CHCHD6: variants seen among roughly 807,000 people sequenced by gnomAD.
CHCHD6 encodes coiled-coil-helix-coiled-coil-helix domain containing 6.
A neutral mutation model predicts 32.3 loss-of-function variants in CHCHD6; 28 were observed. The ratio of observed to expected loss-of-function variants is 0.87; its 90% CI spans 0.64 to 1.19. CHCHD6 has a LOEUF of 1.19. Ranked by LOEUF, CHCHD6 falls within the 50% of genes most tolerant of loss-of-function variation. The pLI, the probability that CHCHD6 is intolerant of heterozygous loss-of-function variation, is 0.00. For missense variants in CHCHD6, 333 were observed against 307.0 expected, an observed-to-expected ratio of 1.08 and a Z score of -0.63; for synonymous variants, 122 against 117.5, an observed-to-expected ratio of 1.04 and a Z score of -0.25.
At chr3:126,760,266 G>A (rs1357383794) in intron 4 of CHCHD6, among the ~76,000 whole-genome samples, 1 of 152,130 alleles carries the variant, frequency 6.6e-6, no homozygotes, top group African/African-American at 2.4e-5. Context: ...CCTGTTTCCA[G>A]CCTTTCGTCC....
intron 6 of CHCHD6, chr3:126,953,044 G>T: frequency 4.1e-6 from 4 of 985,496 alleles, no homozygotes; most frequent in Non-Finnish European, 4.8e-6. Context: ...GCGTTACTGA[G>T]CATGTTCTGA....
intron 5 of CHCHD6, among the ~76,000 whole-genome samples, chr3:126,888,663 G>GACAGCCCT: frequency 6.6e-6 from 1 of 152,326 alleles, no homozygotes; most frequent in African/African-American, 2.4e-5. Flanking sequence ...AGGGACGGGA[G>GACAGCCCT]ACAGCCCTCG....
chr3:126,843,026 C>A (rs983542000), intron 4 of CHCHD6, among the ~76,000 whole-genome samples: 1 of 151,772 alleles, frequency 6.6e-6, no homozygotes, highest in Non-Finnish European at 1.5e-5. Flanking sequence ...TTCAATATTA[C>A]ACCAATAAGC....
chr3:126,933,111 T>G (rs531395498), intron 6 of CHCHD6, among the ~76,000 whole-genome samples: 1 of 152,306 alleles, frequency 6.6e-6, no homozygotes, highest in South Asian at 2.1e-4. Context: ...GCCTCATCTC[T>G]TCATCTATGT....
chr3:126,738,670 G>A (rs1039978824), intron 4 of CHCHD6, among the ~76,000 whole-genome samples: 2 of 152,166 alleles, frequency 1.3e-5, no homozygotes, highest in African/African-American at 2.4e-5. Flanking sequence ...CTGTGCAGTC[G>A]TCTGTTATCT....
chr3:126,741,363 G>A (rs1174197675), intron 4 of CHCHD6, among the ~76,000 whole-genome samples: 2 of 150,092 alleles, frequency 1.3e-5, no homozygotes, highest in African/African-American at 2.5e-5. Flanking sequence ...TTTAAAGGAT[G>A]TGGAGTCAAG....
chr3:126,865,700 T>C, intron 5 of CHCHD6: 1 of 985,380 alleles, frequency 1.0e-6, no homozygotes, highest in Non-Finnish European at 1.2e-6. Context: ...CCACCACATA[T>C]TACCCTCTTC....
At chr3:126,705,473 A>C in intron 1 of CHCHD6, among the ~76,000 whole-genome samples, 1 of 152,212 alleles carries the variant, frequency 6.6e-6, no homozygotes, top group East Asian at 1.9e-4. Flanking sequence ...TTGTAGATTA[A>C]GGAGAAGTGA....
intron 4 of CHCHD6, among the ~76,000 whole-genome samples, chr3:126,812,573 C>T (rs979031303): frequency 2.6e-5 from 4 of 151,640 alleles, no homozygotes; most frequent in African/African-American, 7.3e-5. Context: ...TACAGGCACC[C>T]ACCACCATAC....
intron 4 of CHCHD6, among the ~76,000 whole-genome samples, chr3:126,838,892 CTTT>C (rs1217788517): frequency 3.6e-5 from 5 of 139,542 alleles, no homozygotes. Context: ...TTCTTTTTTC[CTTT>C]TTTTTTTTTT....
intron 5 of CHCHD6, among the ~76,000 whole-genome samples, chr3:126,897,817 C>T (rs1006263542): frequency 1.3e-5 from 2 of 152,208 alleles, no homozygotes; most frequent in Admixed American, 1.3e-4. Context: ...CTTCCCTGTC[C>T]CTTCCCTCCA....
At chr3:126,914,892 C>A in intron 6 of CHCHD6, 142 bp downstream of exon 6, 1 of 657,952 alleles carries the variant, frequency 1.5e-6, no homozygotes, top group Admixed American at 2.2e-5. Context: ...GCTCTCTCAC[C>A]TGGATCTGAG....
chr3:126,884,250 G>A lies in CHCHD6; in HGVS notation c.496-30430G>A, dbSNP rs569269577. 4.6e-5 allele frequency among the ~76,000 whole-genome samples: 7 copies of A among 152,266 alleles called. No homozygotes were observed. The South Asian group carries it at 1.0e-3, about 23-fold the overall frequency. On this transcript the variant is annotated intron_variant, in intron 5 of 7. Coordinates refer to ENST00000290913, the MANE Select transcript of CHCHD6 (RefSeq NM_032343.3). ...CATACAGTAGGTGCCCATCACAGGC[G>A]AATTCTCTTTCCTATGTAGATTAGG... is the stretch of plus-strand genomic sequence containing the variant.
At chr3:126,747,809 T>C (rs1375764355) in intron 4 of CHCHD6, among the ~76,000 whole-genome samples, 1 of 152,186 alleles carries the variant, frequency 6.6e-6, no homozygotes, top group African/African-American at 2.4e-5. Flanking sequence ...GATTCCAGCC[T>C]TGGGTGAACC....
chr3:126,836,649 G>A (rs1455172747), intron 4 of CHCHD6, among the ~76,000 whole-genome samples: 1 of 152,204 alleles, frequency 6.6e-6, no homozygotes, highest in Non-Finnish European at 1.5e-5. Context: ...CAGCAGTGGG[G>A]ACACTGACCG....
intron 5 of CHCHD6, among the ~76,000 whole-genome samples, chr3:126,906,873 G>T (rs1178907869): frequency 6.6e-6 from 1 of 152,202 alleles, no homozygotes; most frequent in Non-Finnish European, 1.5e-5. Flanking sequence ...CAATGAAGAA[G>T]CACGTTCAGG....
At chr3:126,734,846 GA>G (rs1935968999) in intron 4 of CHCHD6, among the ~76,000 whole-genome samples, 1 of 152,174 alleles carries the variant, frequency 6.6e-6, no homozygotes, top group South Asian at 2.1e-4. Flanking sequence ...CTGGATTTTA[GA>G]AGGCCTTGGA....
chr3:126,881,353 A>G (rs1477992230), intron 5 of CHCHD6, among the ~76,000 whole-genome samples: 1 of 152,108 alleles, frequency 6.6e-6, no homozygotes, highest in African/African-American at 2.4e-5. Flanking sequence ...TGTCTCCCCC[A>G]GTGCTGAGTG....
At chr3:126,840,007 A>G (rs541138330) in intron 4 of CHCHD6, among the ~76,000 whole-genome samples, 2 of 152,240 alleles carry the variant, frequency 1.3e-5, no homozygotes, top group Admixed American at 6.5e-5. Flanking sequence ...TCTGTTTTCT[A>G]TCTCTATGTG....
Sources: gnomAD v4.1 joint callset for allele counts (sites outside exome capture counted in the v4.1 genomes callset) on GRCh38, gnomAD v4.1.1 for gene constraint, MANE v1.5 for transcripts, NCBI Gene and HGNC (gene_info 2026-07-23, HGNC 2026-07-21) for gene names.